SURF6: variants seen among roughly 807,000 people sequenced by gnomAD.
SURF6 encodes surfeit 6.
Under a neutral mutation model 37.5 loss-of-function variants are expected in SURF6, and 28 were observed. That is an observed-to-expected ratio of 0.75 (90% CI 0.55 to 1.02). The LOEUF (loss-of-function observed/expected upper bound fraction) is 1.02. SURF6 is among the 50% of genes least tolerant of loss of function. SURF6 has a pLI of 0.00. For synonymous variants in SURF6, 248 were observed against 210.9 expected (o/e 1.18, Z -1.52); for missense variants, 560 against 490.5 (o/e 1.14, Z -1.34).
At chr9:133,336,009 CCT>C in intron 1 of SURF6, 28 bp downstream of exon 1, 1 of 1,599,142 alleles carries the variant, frequency 6.3e-7, no homozygotes, top group Non-Finnish European at 8.5e-7. Context: ...TTCGCAGGCC[CCT>C]TAGTCCCGGC....
Position 133,336,117 on chromosome 9 carries a change from C to G in SURF6, c.16G>C (p.Ala6Pro), listed in dbSNP as rs2129934277. Residue 6 changes from alanine (A) to proline (P), a missense_variant, in exon 1 of 5, where the codon GCC becomes CCC. Physicochemically the swap from Ala to Pro is conservative, Grantham distance 27. Transcript: ENST00000372022. MASLLAKDAYLQSLAK... is the reference protein window; with the variant it reads MASLLPKDAYLQSLAK... ...AGGCTCTGCAGGTAGGCGTCCTTGG[C>G]GAGTAGAGAGGCCATGGCGGAGACC... The G allele has an allele frequency of 6.2e-7, 1 of 1,612,122 alleles. No individual in the cohort carries two copies.
chr9:133,332,310 C>T lies in SURF6; in HGVS notation c.645G>A (p.Gln215=). 5 of 1,592,200 alleles carry T rather than the reference C, an allele frequency of 3.1e-6. No homozygotes were observed. The highest frequency in any genetic ancestry group is 4.3e-6 in the Non-Finnish European group (5 of 1,172,066). Residue 215 remains glutamine (Q), a synonymous_variant, in exon 5 of 5, where the codon CAG becomes CAA. Coordinates refer to ENST00000372022, the MANE Select transcript of SURF6 (RefSeq NM_006753.6). ...VSEDEPASKA[Q]RRKEKRQRVK... is the part of the protein sequence containing the mutation. ...CCCTCTGCCTCTTCTCTTTTCTGCGCTGCGCCTTGCTGGCCGGCTCGTCTT... is the reference window on the plus strand; with the variant it reads ...CCCTCTGCCTCTTCTCTTTTCTGCGTTGCGCCTTGCTGGCCGGCTCGTCTT...
At chr9:133,332,870 C>T (rs1015638717) in intron 3 of SURF6, 110 bp from the exon 4 acceptor site, 13 of 1,102,022 alleles carry the variant, frequency 1.2e-5, no homozygotes, top group African/African-American at 7.8e-5. Context: ...AAAATCCTCA[C>T]GCAAACAAGG....
Position 133,332,739 on chromosome 9 carries a change from G to C in SURF6, c.415C>G (p.Pro139Ala). 1 of 1,611,268 alleles carries C rather than the reference G, an allele frequency of 6.2e-7. No individual in the cohort carries two copies. The highest frequency in any genetic ancestry group is 8.5e-7 in the Non-Finnish European group (1 of 1,179,998). The change falls in exon 4 of 5, where the codon CCT becomes GCT. Residue 139 changes from proline (P) to alanine (A), a missense_variant. By Grantham distance (27) the Pro-to-Ala change is conservative (BLOSUM62 -1). Transcript: ENST00000372022. ...RGQGSAKELS[P>A]AALEKRRRRK... ...CGCCGCCTTTTCTCCAAGGCGGCAG[G>C]GGACAGCTCCTTGGCACTGCCCTGG...
rs1835713374 is a variant in SURF6 at position 133,331,094 on chromosome 9, G to A, written c.*775C>T. ...TTTTCTTTCAACCTGCACTCATTTTGATTGCCTGGAACTCTGGATTTAATT... is the reference window on the plus strand; with the variant it reads ...TTTTCTTTCAACCTGCACTCATTTTAATTGCCTGGAACTCTGGATTTAATT... On this transcript the variant is annotated 3_prime_UTR_variant, in exon 5 of 5. Coordinates refer to ENST00000372022, the MANE Select transcript of SURF6 (RefSeq NM_006753.6). The A allele has an allele frequency of 6.6e-6, 1 of 152,134 alleles. No homozygotes were observed. Among genetic ancestry groups the A allele is most frequent in the Admixed American group, 6.5e-5 (1 of 15,274 alleles). The allele number at this position is 152,134 out of a possible 1,614,324, so 9.4% of individuals were successfully genotyped here. A position where few individuals can be genotyped will look rare whatever the true frequency, so the allele number is the denominator to read the frequency against.
At chr9:133,335,689 T>C (rs1417000204) in intron 1 of SURF6, among the ~76,000 whole-genome samples, 7 of 146,406 alleles carry the variant, frequency 4.8e-5, no homozygotes, top group African/African-American at 1.8e-4. Context: ...TGACCATTAC[T>C]CCTGTCTCTA....
At position 133,331,004 on chromosome 9, in the gene SURF6, GGA is replaced by G. The variant is rs2129908365; in HGVS notation, c.*863_*864del. ...CAGTTACAGTCTTTGTCTCATAACCGGAGAGTTTCATCAAAAGAATTTTATTT... is the reference window on the plus strand; with the variant it reads ...CAGTTACAGTCTTTGTCTCATAACCGGAGTTTCATCAAAAGAATTTTATTT... On this transcript the variant is annotated 3_prime_UTR_variant, in exon 5 of 5. Transcript: ENST00000372022. 233 of 152,150 alleles carry G rather than the reference GGA, an allele frequency of 1.5e-3. 1 individual carries two copies. The highest frequency in any genetic ancestry group is 5.3e-3 in the African/African-American group (221 of 41,470). 9.4% of individuals were successfully genotyped at this position (152,150 alleles called of 1,614,324 possible).
intron 3 of SURF6, 127 bp from the exon 4 acceptor site, chr9:133,332,887 C>T (rs1015852519): frequency 2.5e-5 from 22 of 877,692 alleles, no homozygotes; most frequent in South Asian, 2.0e-4. Context: ...AAGGGGCCCG[C>T]GGAGTTCAAT....
At chr9:133,335,246 G>C (rs943013755) in intron 1 of SURF6, among the ~76,000 whole-genome samples, 2 of 151,778 alleles carry the variant, frequency 1.3e-5, no homozygotes, top group East Asian at 3.9e-4. Flanking sequence ...GCATGAGGCC[G>C]CACGGCCGGA....
intron 3 of SURF6, 126 bp downstream of exon 3, chr9:133,333,592 C>A: frequency 1.2e-6 from 1 of 815,540 alleles, no homozygotes; most frequent in African/African-American, 1.7e-5. Flanking sequence ...CCAGAGCACA[C>A]CTGCTGGGGC....
chr9:133,335,638 T>C (rs2129931985), intron 1 of SURF6, among the ~76,000 whole-genome samples: 2 of 150,886 alleles, frequency 1.3e-5, no homozygotes, highest in Non-Finnish European at 2.9e-5. Context: ...CACCGCACCA[T>C]GCCCGTAGTG....
intron 1 of SURF6, among the ~76,000 whole-genome samples, chr9:133,334,974 T>C (rs1283818722): frequency 2.0e-5 from 3 of 152,234 alleles, no homozygotes; most frequent in Non-Finnish European, 4.4e-5. Context: ...ATTTTTTCTT[T>C]TTTGAGATGG....
At chr9:133,334,884 C>T (rs1238954937) in intron 1 of SURF6, among the ~76,000 whole-genome samples, 1 of 152,188 alleles carries the variant, frequency 6.6e-6, no homozygotes, top group African/African-American at 2.4e-5. Flanking sequence ...ATTTCTGGCC[C>T]TGCTTTACAA....
chr9:133,334,823 C>T (rs1378906739), intron 1 of SURF6, among the ~76,000 whole-genome samples: 1 of 152,106 alleles, frequency 6.6e-6, no homozygotes, highest in East Asian at 1.9e-4. Flanking sequence ...CGTTCATCAC[C>T]ATTATTTGAG....
rs2129917533 is a variant in SURF6, at chr9:133,332,314, G to A, written c.641C>T (p.Ala214Val). ...EVSEDEPASK[A>V]QRRKEKRQRV... is the part of the protein sequence containing the mutation. ...CTGCCTCTTCTCTTTTCTGCGCTGC[G>A]CCTTGCTGGCCGGCTCGTCTTCGCT... Residue 214 changes from alanine to valine, a missense_variant, in exon 5 of 5, where the codon GCG becomes GTG. By Grantham distance (64) the Ala-to-Val change is moderately conservative. Transcript: ENST00000372022. 24 of 1,590,284 alleles carry A rather than the reference G, an allele frequency of 1.5e-5. No individual in the cohort carries two copies. Among genetic ancestry groups the A allele is most frequent in the East Asian group, 4.5e-5 (2 of 44,616 alleles).
chr9:133,335,533 T>TTCCCCAC (rs1408867550), intron 1 of SURF6, among the ~76,000 whole-genome samples: 1 of 152,006 alleles, frequency 6.6e-6, no homozygotes, highest in Non-Finnish European at 1.5e-5. Context: ...CGCTGTCGGC[T>TTCCCCAC]TCCCCACCCG....
chr9:133,332,123 C>A lies in SURF6; in HGVS notation c.832G>T (p.Glu278Ter). ...MKWTNLLYKA[E>*]GVKIRDDERL... ...TCGTCGTCACGGATCTTCACGCCCT[C>A]CGCCTTGTAGAGGAGGTTGGTCCAC... The change falls in exon 5 of 5, where the codon GAG becomes TAG. Residue 278 changes from glutamate to a stop codon, truncating the protein, a stop_gained. Coordinates refer to ENST00000372022, the MANE Select transcript of SURF6 (RefSeq NM_006753.6). LOFTEE classifies it high-confidence loss of function. 1 of 1,610,564 alleles carries A rather than the reference C, an allele frequency of 6.2e-7. No homozygotes were observed. Among genetic ancestry groups the A allele is most frequent in the Non-Finnish European group, 8.5e-7 (1 of 1,179,940 alleles).
Position 133,332,678 on chromosome 9 carries a change from C to G in SURF6, c.476G>C (p.Arg159Pro). Residue 159 changes from arginine (R) to proline (P), a missense_variant, in exon 4 of 5, where the codon CGA (arginine) becomes CCA (proline). Coordinates refer to ENST00000372022, the MANE Select transcript of SURF6 (RefSeq NM_006753.6). Reference sequence around the variant, plus strand: ...CTTCTCTTTCGCCCGCAGCTCCTTTCGCTTCCTCTTCTTCCGGTCCCGTTC... The same window carrying G: ...CTTCTCTTTCGCCCGCAGCTCCTTTGGCTTCCTCTTCTTCCGGTCCCGTTC... ...KQERDRKKRK[R>P]KELRAKEKAR... The G allele has an allele frequency of 6.2e-7, 1 of 1,612,434 alleles. No homozygotes were observed. The highest frequency in any genetic ancestry group is 8.5e-7 in the Non-Finnish European group (1 of 1,180,006).
In SURF6 at chr9:133,332,496, C is replaced by T. The variant is rs1588670944; in HGVS notation, c.606+52G>A. ...AGATCATGAAGCTAACAAGGGGCAA[C>T]GCTGAGGCCTGAAGCCGACCCAGCC... On this transcript the variant is annotated intron_variant, in intron 4 of 4. Transcript: ENST00000372022. 2.6e-5 allele frequency: 42 copies of T among 1,585,292 alleles called. No homozygotes were observed. The East Asian group carries it at 9.0e-4, about 34-fold the overall frequency.
Sources: allele counts gnomAD v4.1 joint callset (sites outside exome capture counted in the v4.1 genomes callset), GRCh38; gene constraint gnomAD v4.1.1; transcripts MANE v1.5; gene names NCBI Gene and HGNC (gene_info 2026-07-23, HGNC 2026-07-21).